RBFOX1: variants seen among roughly 807,000 people sequenced by gnomAD.
RBFOX1 encodes RNA binding fox-1 homolog 1.
In RBFOX1, 8 loss-of-function variants were observed where a neutral mutation model predicts 57.7. That is an observed-to-expected ratio of 0.14 (90% CI 0.08 to 0.25). The LOEUF (loss-of-function observed/expected upper bound fraction) is 0.25, where lower values mean the gene tolerates loss of function less well. RBFOX1 is among the 10% of genes least tolerant of loss of function. The pLI is 1.00. For synonymous variants in RBFOX1, 326 were observed against 222.4 expected (o/e 1.47, Z -4.15); for missense variants, 611 against 548.5 (o/e 1.11, Z -1.14).
intron 5 of RBFOX1, among the ~76,000 whole-genome samples, chr16:7,577,924 A>C (rs887993828): frequency 6.6e-6 from 1 of 152,176 alleles, no homozygotes; most frequent in Non-Finnish European, 1.5e-5. Flanking sequence ...ACAATGACAA[A>C]ATGATTCTAT....
intron 4 of RBFOX1, among the ~76,000 whole-genome samples, chr16:7,283,962 C>T (rs2095599222): frequency 6.6e-6 from 1 of 152,222 alleles, no homozygotes; most frequent in East Asian, 1.9e-4. Flanking sequence ...AGCTCTAGAT[C>T]CTGGGAATTG....
At position 6,521,473 on chromosome 16, in the gene RBFOX1, C is replaced by T. The variant is rs546879746; in HGVS notation, c.-63-133130C>T. Reference sequence around the variant, plus strand: ...CCCGTCCCCTCTCCTCTCCTCTCTTCTCTTCCTCTCCCCTCTCCTCCCGTT... The same window carrying T: ...CCCGTCCCCTCTCCTCTCCTCTCTTTTCTTCCTCTCCCCTCTCCTCCCGTT... On this transcript the variant is annotated intron_variant, in intron 2 of 15. Coordinates refer to ENST00000550418, the MANE Select transcript of RBFOX1 (RefSeq NM_018723.4). Among the ~76,000 whole-genome samples the T allele has an allele frequency of 6.3e-5, 8 of 126,466 alleles. No individual in the cohort carries two copies. In the South Asian group the frequency reaches 9.4e-4, roughly 15 times the overall value. 83.0% of individuals were successfully genotyped at this position (126,466 alleles called of 152,430 possible).
chr16:7,191,570 C>T (rs2085393203), intron 4 of RBFOX1, among the ~76,000 whole-genome samples: 1 of 152,210 alleles, frequency 6.6e-6, no homozygotes, highest in African/African-American at 2.4e-5. Context: ...TACATATCAT[C>T]TTCAAACCAT....
At chr16:7,481,011 A>C (rs1429756700) in intron 4 of RBFOX1, among the ~76,000 whole-genome samples, 1 of 152,130 alleles carries the variant, frequency 6.6e-6, no homozygotes, top group East Asian at 1.9e-4. Context: ...TATCCAAGTG[A>C]TATGGCCAAA....
chr16:6,076,607 A>G (rs1410820431), intron 1 of RBFOX1, among the ~76,000 whole-genome samples: 2 of 151,752 alleles, frequency 1.3e-5, no homozygotes, highest in African/African-American at 4.8e-5. Context: ...TTGCCTTTTA[A>G]GAGCCTTAGG....
Position 6,637,112 on chromosome 16 carries a change from A to G in RBFOX1, c.-63-17491A>G, listed in dbSNP as rs1187514565. Among the ~76,000 whole-genome samples, 6 of 95,348 alleles carry G rather than the reference A, an allele frequency of 6.3e-5. 1 individual carries two copies. Among genetic ancestry groups the G allele is most frequent in the Admixed American group, 3.5e-4 (2 of 5,634 alleles). 62.6% of individuals were successfully genotyped at this position (95,348 alleles called of 152,430 possible). On this transcript the variant is annotated intron_variant, in intron 2 of 15. Coordinates refer to ENST00000550418, the MANE Select transcript of RBFOX1 (RefSeq NM_018723.4). ...TACATATTAAATATATATATTATATAATATATAAATTTATATTATATATTA... is the reference window on the plus strand; with the variant it reads ...TACATATTAAATATATATATTATATGATATATAAATTTATATTATATATTA...
intron 1 of RBFOX1, among the ~76,000 whole-genome samples, chr16:6,212,705 A>G (rs1242906011): frequency 3.2e-5 from 1 of 31,102 alleles, no homozygotes; most frequent in Non-Finnish European, 8.2e-5. Context: ...AGAGTCTGTC[A>G]AAAAAACAAA....
At chr16:6,974,568 C>T (rs1393529683) in intron 3 of RBFOX1, among the ~76,000 whole-genome samples, 4 of 152,142 alleles carry the variant, frequency 2.6e-5, no homozygotes, top group East Asian at 1.9e-4. Flanking sequence ...TGGTCTTGAT[C>T]TCCTGACCTC....
At chr16:5,937,330 T>C (rs982369705) in intron 4 of RBFOX1, among the ~76,000 whole-genome samples, 28 of 152,322 alleles carry the variant, frequency 1.8e-4, no homozygotes, top group Admixed American at 8.5e-4. Context: ...ACAGTATCCC[T>C]GTCCTCAGAG....
At chr16:7,553,914 C>T (rs576899244) in intron 5 of RBFOX1, among the ~76,000 whole-genome samples, 5 of 152,286 alleles carry the variant, frequency 3.3e-5, no homozygotes, top group East Asian at 1.9e-4. Context: ...GCTTAAAAGC[C>T]ATTAGTGTAT....
At position 5,712,878 on chromosome 16, in the gene RBFOX1, G is replaced by A. The variant is rs1051156986; in HGVS notation, c.318+113917G>A. Among the ~76,000 whole-genome samples, 3 of 152,282 alleles carry A rather than the reference G, an allele frequency of 2.0e-5. No homozygotes were observed. In the South Asian group the frequency reaches 6.2e-4, roughly 32 times the overall value. ...ACCCCCACTCCATTTCTGTGCTGCA[G>A]AGTTCACTCTGTTTTTAAATATTGA... On this transcript the variant is annotated intron_variant, in intron 3 of 19. Coordinates refer to the RBFOX1 transcript ENST00000641259.
intron 3 of RBFOX1, among the ~76,000 whole-genome samples, chr16:6,888,222 C>T (rs1275283933): frequency 1.3e-5 from 2 of 152,046 alleles, no homozygotes; most frequent in Non-Finnish European, 2.9e-5. Flanking sequence ...TTTTGTAAAA[C>T]CAATGAAAAG....
At chr16:7,559,596 C>G (rs1276041181) in intron 5 of RBFOX1, among the ~76,000 whole-genome samples, 1 of 152,216 alleles carries the variant, frequency 6.6e-6, no homozygotes, top group Non-Finnish European at 1.5e-5. Context: ...GACACCCAAT[C>G]CAAGGCTTGC....
intron 4 of RBFOX1, among the ~76,000 whole-genome samples, chr16:7,189,162 A>G (rs1319040429): frequency 6.6e-6 from 1 of 152,042 alleles, no homozygotes; most frequent in South Asian, 2.1e-4. Context: ...ACGGTGGCTC[A>G]TGCCTGTAAT....
At chr16:5,636,196 A>C (rs1243558269) in intron 3 of RBFOX1, among the ~76,000 whole-genome samples, 1 of 152,122 alleles carries the variant, frequency 6.6e-6, no homozygotes, top group Non-Finnish European at 1.5e-5. Context: ...AAAAATACAA[A>C]AATTAGCTGG....
At chr16:6,259,796 A>T (rs2097690650) in intron 1 of RBFOX1, among the ~76,000 whole-genome samples, 1 of 152,004 alleles carries the variant, frequency 6.6e-6, no homozygotes, top group African/African-American at 2.4e-5. Flanking sequence ...CATTTGTACT[A>T]AAAATACAAA....
At chr16:6,409,276 T>C (rs1035724808) in intron 2 of RBFOX1, among the ~76,000 whole-genome samples, 6 of 152,240 alleles carry the variant, frequency 3.9e-5, no homozygotes, top group Admixed American at 3.9e-4. Context: ...TAGCTGGGCA[T>C]GGTGGTGCGC....
At chr16:7,002,114 T>G (rs2092870605) in intron 3 of RBFOX1, among the ~76,000 whole-genome samples, 1 of 151,624 alleles carries the variant, frequency 6.6e-6, no homozygotes, top group African/African-American at 2.4e-5. Context: ...TTTTTTCTCA[T>G]GGGGTTGTTG....
chr16:6,523,909 G>A (rs9933670), intron 2 of RBFOX1, among the ~76,000 whole-genome samples: 101,301 of 152,020 alleles, frequency 0.67, 33,978 homozygotes, highest in African/African-American at 0.68. Context: ...CTTATGGGAT[G>A]CATGAGACAT....
Sources: gnomAD v4.1 joint callset for allele counts (sites outside exome capture counted in the v4.1 genomes callset) on GRCh38, gnomAD v4.1.1 for gene constraint, MANE v1.5 for transcripts, NCBI Gene and HGNC (gene_info 2026-07-23, HGNC 2026-07-21) for gene names.